SLC4A4: variants seen among roughly 807,000 people sequenced by gnomAD.
SLC4A4 encodes the protein electrogenic sodium bicarbonate cotransporter 1.
A neutral mutation model predicts 111.5 loss-of-function variants in SLC4A4; 27 were observed. The ratio of observed to expected loss-of-function variants is 0.24; its 90% CI spans 0.18 to 0.33. The LOEUF (loss-of-function observed/expected upper bound fraction) is 0.33. Ranked by LOEUF, SLC4A4 falls within the 10% of genes least tolerant of loss-of-function variation. The probability of loss-of-function intolerance (pLI) is 1.00; values close to 1 mark genes in which losing one functional copy is unlikely to be tolerated. For missense variants in SLC4A4, 909 were observed against 1,315.5 expected, an observed-to-expected ratio of 0.69 and a Z score of 4.78; for synonymous variants, 443 against 463.4, an observed-to-expected ratio of 0.96 and a Z score of 0.57.
At chr4:71,379,122 C>T (rs1277818813) in intron 6 of SLC4A4, among the ~76,000 whole-genome samples, 7 of 152,200 alleles carry the variant, frequency 4.6e-5, no homozygotes, top group Non-Finnish European at 8.8e-5. Context: ...TCTTTCACAA[C>T]TGCCAGAAGG....
intron 2 of SLC4A4, among the ~76,000 whole-genome samples, chr4:71,137,614 C>T (rs146404772): frequency 6.6e-6 from 1 of 152,306 alleles, no homozygotes; most frequent in African/African-American, 2.4e-5. Flanking sequence ...CTTCCCTTTG[C>T]TTTCTGCAAA....
rs112225703 is a variant in SLC4A4, at chr4:71,490,447, C to A, written c.1974+3429C>A. Among the ~76,000 whole-genome samples the A allele has an allele frequency of 3.6e-3, 547 of 151,878 alleles. 5 individuals carry two copies. Among genetic ancestry groups the A allele is most frequent in the African/African-American group, 0.013 (525 of 41,486 alleles). ...CAAGATACAGGACATTTCCATCATA[C>A]CAGAAGGTCCCATGGAATGCTGTAT... On this transcript the variant is annotated intron_variant, in intron 15 of 25. Transcript: ENST00000264485.
chr4:71,292,990 T>C (rs1369993691), intron 3 of SLC4A4, among the ~76,000 whole-genome samples: 3 of 151,154 alleles, frequency 2.0e-5, no homozygotes, highest in African/African-American at 4.8e-5. Context: ...TACAGGCACC[T>C]GCCACTGCGC....
intron 3 of SLC4A4, among the ~76,000 whole-genome samples, chr4:71,315,175 A>G (rs1381926226): frequency 6.6e-6 from 1 of 152,054 alleles, no homozygotes; most frequent in Non-Finnish European, 1.5e-5. Flanking sequence ...TTCCTTTCCC[A>G]CAGAATTCTT....
intron 2 of SLC4A4, among the ~76,000 whole-genome samples, chr4:71,143,762 T>C (rs1018913319): frequency 4.6e-5 from 7 of 152,260 alleles, no homozygotes; most frequent in African/African-American, 1.4e-4. Context: ...AAGTGTCTGT[T>C]CATATCCTTT....
Position 71,480,112 on chromosome 4 carries a change from A to G in SLC4A4, c.1904-6836A>G, listed in dbSNP as rs138345265. On this transcript the variant is annotated intron_variant, in intron 14 of 25. Transcript: ENST00000264485. The stretch of plus-strand genomic sequence containing the variant: ...TCATAGCTCAGTGCAACTTCAAACT[A>G]CTGGGCTCAAGTGATCCTCCCACCT... Among the ~76,000 whole-genome samples the G allele has an allele frequency of 5.4e-3, 809 of 149,268 alleles. 9 individuals are homozygous for G. Among genetic ancestry groups the G allele is most frequent in the Admixed American group, 0.024 (360 of 14,888 alleles).
At chr4:71,126,157 G>A (rs1301291987) in intron 2 of SLC4A4, among the ~76,000 whole-genome samples, 4 of 151,906 alleles carry the variant, frequency 2.6e-5, no homozygotes, top group Non-Finnish European at 4.4e-5. Flanking sequence ...GAAATTTTGG[G>A]GAACCTCTTT....
chr4:71,232,083 G>A (rs1048868869), intron 1 of SLC4A4, among the ~76,000 whole-genome samples: 1 of 152,110 alleles, frequency 6.6e-6, no homozygotes, highest in African/African-American at 2.4e-5. Flanking sequence ...GGCTGCTGTG[G>A]GTGTACAGGT....
At chr4:71,396,343 A>G (rs1719820860) in intron 6 of SLC4A4, among the ~76,000 whole-genome samples, 1 of 152,176 alleles carries the variant, frequency 6.6e-6, no homozygotes, top group Admixed American at 6.5e-5. Context: ...TCTGGTAGTT[A>G]AAAGGAATGA....
intron 14 of SLC4A4, among the ~76,000 whole-genome samples, chr4:71,478,709 A>T (rs1728597926): frequency 6.6e-6 from 1 of 151,712 alleles, no homozygotes; most frequent in Non-Finnish European, 1.5e-5. Context: ...TGTGTAAAAA[A>T]CCTGCACATT....
intron 2 of SLC4A4, among the ~76,000 whole-genome samples, chr4:71,157,028 T>C (rs1467088175): frequency 1.3e-5 from 2 of 152,212 alleles, no homozygotes; most frequent in African/African-American, 4.8e-5. Context: ...AGCATTTGTC[T>C]AAATAGCTTA....
intron 6 of SLC4A4, among the ~76,000 whole-genome samples, chr4:71,386,116 C>G (rs555227307): frequency 3.3e-4 from 50 of 151,416 alleles, no homozygotes; most frequent in African/African-American, 1.2e-3. Context: ...TTCTTCCAGT[C>G]CTTTGAAATC....
intron 2 of SLC4A4, among the ~76,000 whole-genome samples, chr4:71,154,279 G>C (rs751170970): frequency 6.6e-6 from 1 of 152,162 alleles, no homozygotes; most frequent in Non-Finnish European, 1.5e-5. Flanking sequence ...TCTGGATAGA[G>C]GGGTGCTGGC....
At chr4:71,151,193 G>T (rs895736458) in intron 2 of SLC4A4, among the ~76,000 whole-genome samples, 4 of 152,208 alleles carry the variant, frequency 2.6e-5, no homozygotes, top group Non-Finnish European at 4.4e-5. Context: ...CCACAGCACT[G>T]GTAGACTGCG....
intron 3 of SLC4A4, among the ~76,000 whole-genome samples, chr4:71,256,386 G>A (rs1252701786): frequency 2.0e-5 from 3 of 152,204 alleles, no homozygotes; most frequent in African/African-American, 7.2e-5. Context: ...TTAAATTAAA[G>A]AGGGTGTGAG....
intron 4 of SLC4A4, among the ~76,000 whole-genome samples, chr4:71,339,879 A>T (rs1329445537): frequency 6.6e-6 from 1 of 152,062 alleles, no homozygotes; most frequent in Non-Finnish European, 1.5e-5. Flanking sequence ...ACATGCCAAG[A>T]TCTCTTGTGA....
At chr4:71,329,566 T>G (rs191793236) in intron 3 of SLC4A4, among the ~76,000 whole-genome samples, 2 of 152,130 alleles carry the variant, frequency 1.3e-5, no homozygotes, top group African/African-American at 4.8e-5. Flanking sequence ...AGTATCTTAT[T>G]TTATTTGTAA....
intron 7 of SLC4A4, among the ~76,000 whole-genome samples, chr4:71,399,184 C>A (rs577635381): frequency 1.3e-5 from 2 of 152,202 alleles, no homozygotes; most frequent in East Asian, 3.9e-4. Context: ...ATTTTGTTAT[C>A]TGATGGAGGT....
chr4:71,301,192 C>G (rs1375546878), intron 3 of SLC4A4: 6 of 257,712 alleles, frequency 2.3e-5, no homozygotes, highest in African/African-American at 1.4e-4. Context: ...ACACTCATAC[C>G]CACACCAGAC....
Sources: allele counts gnomAD v4.1 joint callset (sites outside exome capture counted in the v4.1 genomes callset), GRCh38; gene constraint gnomAD v4.1.1; transcripts MANE v1.5; gene names NCBI Gene and HGNC (gene_info 2026-07-23, HGNC 2026-07-21).